Variants in KMT2E observed in about 807,000 individuals in gnomAD.
The protein encoded by KMT2E is lysine methyltransferase 2E (inactive).
A neutral mutation model predicts 184.6 loss-of-function variants in KMT2E; 30 were observed. The observed-to-expected ratio is 0.16, with a 90% CI of 0.12 to 0.22. KMT2E has a LOEUF of 0.22. Among genes scored for constraint, KMT2E ranks in the 10% least tolerant of loss-of-function variants. The pLI is 1.00. For missense variants in KMT2E, 2,023 were observed against 2,237.4 expected, an observed-to-expected ratio of 0.90 and a Z score of 1.93; for synonymous variants, 815 against 776.5, an observed-to-expected ratio of 1.05 and a Z score of -0.82.
intron 11 of KMT2E, among the ~76,000 whole-genome samples, chr7:105,078,070 A>G (rs1258277267): frequency 6.6e-6 from 1 of 152,236 alleles, no homozygotes; most frequent in Non-Finnish European, 1.5e-5. Context: ...TCCTACAATT[A>G]TCAAAAACAT....
At chr7:105,052,694 G>A (rs1187862162) in intron 3 of KMT2E, among the ~76,000 whole-genome samples, 2 of 151,796 alleles carry the variant, frequency 1.3e-5, no homozygotes, top group Non-Finnish European at 2.9e-5. Context: ...AAGTAAATGG[G>A]ATTACAGCTA....
chr7:105,071,857 G>C (rs1297665914), intron 6 of KMT2E, among the ~76,000 whole-genome samples: 1 of 151,780 alleles, frequency 6.6e-6, no homozygotes, highest in East Asian at 1.9e-4. Context: ...GTTTAATTAG[G>C]TGAGAAATGG....
chr7:105,052,064 A>G (rs777911086), intron 3 of KMT2E, among the ~76,000 whole-genome samples: 3 of 152,146 alleles, frequency 2.0e-5, no homozygotes, highest in Non-Finnish European at 2.9e-5. Context: ...AAACCAGATC[A>G]TACAATTCTC....
Position 105,111,976 on chromosome 7 carries a change from A to G in KMT2E, c.4220A>G (p.Asn1407Ser), listed in dbSNP as rs77885224. 1.9e-3 allele frequency: 3,127 copies of G among 1,614,100 alleles called. 4 individuals carry two copies. Among genetic ancestry groups the G allele is most frequent in the Non-Finnish European group, 2.3e-3 (2,733 of 1,180,014 alleles). The stretch of plus-strand genomic sequence containing the variant: ...CTCCAACAAAAACAGCTATCAAATA[A>G]CAACCAAGCACTTTCAAAGAATCAT... ...TELQQKQLSN[N>S]NQALSKNHPP... Residue 1407 changes from asparagine (N) to serine (S), a missense_variant, in exon 27 of 27, where the codon AAC (asparagine) becomes AGC (serine). Physicochemically the swap from Asn to Ser is conservative, Grantham distance 46 (BLOSUM62 1). Coordinates refer to ENST00000311117, the MANE Select transcript of KMT2E (RefSeq NM_182931.3).
intron 15 of KMT2E, among the ~76,000 whole-genome samples, chr7:105,095,073 T>A (rs1258578249): frequency 6.6e-6 from 1 of 152,098 alleles, no homozygotes; most frequent in Admixed American, 6.5e-5. Flanking sequence ...TGCACCAGGG[T>A]ATTTATGTAT....
chr7:105,069,733 CACA>C (rs1797200989), intron 6 of KMT2E, among the ~76,000 whole-genome samples: 1 of 152,132 alleles, frequency 6.6e-6, no homozygotes, highest in Non-Finnish European at 1.5e-5. Flanking sequence ...AATACAATAT[CACA>C]ACTAGGATAT....
At chr7:105,070,317 T>C (rs1411864502) in intron 6 of KMT2E, among the ~76,000 whole-genome samples, 1 of 152,048 alleles carries the variant, frequency 6.6e-6, no homozygotes, top group East Asian at 1.9e-4. Context: ...AATGTAGAAG[T>C]AATCAGTAAT....
chr7:105,050,078 A>G (rs1796266891), intron 3 of KMT2E, among the ~76,000 whole-genome samples: 2 of 152,266 alleles, frequency 1.3e-5, no homozygotes, highest in South Asian at 4.2e-4. Flanking sequence ...ACATGTAAAT[A>G]TAACAGAATT....
rs546695982 is a variant in KMT2E at position 105,112,308 on chromosome 7, T to C, written c.4552T>C (p.Leu1518=). Residue 1518 remains leucine (L), a synonymous_variant, in exon 27 of 27, where the codon TTA becomes CTA. Coordinates refer to ENST00000311117, the MANE Select transcript of KMT2E (RefSeq NM_182931.3). ...TACTCAGCAGGCAACTTCTGGAACA[T>C]TATTTACACAGACACCCTCAGGACA... The part of the protein sequence containing the change: ...ANTQQATSGT[L]FTQTPSGQSS... The C allele has an allele frequency of 9.9e-5, 159 of 1,613,944 alleles. 2 individuals are homozygous for C. In the South Asian group the frequency reaches 1.6e-3, roughly 16 times the overall value.
At chr7:105,043,613 A>T (rs1171575476) in intron 3 of KMT2E, among the ~76,000 whole-genome samples, 1 of 152,192 alleles carries the variant, frequency 6.6e-6, no homozygotes, top group East Asian at 1.9e-4. Context: ...ATGAATAAGG[A>T]CATTTTGGTA....
At chr7:105,097,194 G>T (rs1584791544) in intron 15 of KMT2E, among the ~76,000 whole-genome samples, 2 of 152,228 alleles carry the variant, frequency 1.3e-5, no homozygotes, top group African/African-American at 4.8e-5. Context: ...AATAAAATAG[G>T]ATAAGTTTGT....
chr7:105,037,808 T>A (rs915698188), intron 1 of KMT2E, among the ~76,000 whole-genome samples: 2 of 152,192 alleles, frequency 1.3e-5, no homozygotes, highest in African/African-American at 4.8e-5. Flanking sequence ...TGTTTTTGTT[T>A]TGGTATTGTT....
At chr7:105,073,780 A>G in intron 7 of KMT2E, 103 bp downstream of exon 7, 2 of 698,820 alleles carry the variant, frequency 2.9e-6, no homozygotes, top group Non-Finnish European at 5.0e-6. Flanking sequence ...TTAAATGTAA[A>G]TACCTTGTTG....
intron 3 of KMT2E, among the ~76,000 whole-genome samples, chr7:105,046,070 G>A (rs1026429745): frequency 1.3e-5 from 2 of 151,610 alleles, no homozygotes; most frequent in African/African-American, 4.9e-5. Context: ...TTCTCTCGTG[G>A]GCTCTACTCA....
chr7:105,082,184 T>C (rs1342401128), intron 13 of KMT2E, among the ~76,000 whole-genome samples: 1 of 152,218 alleles, frequency 6.6e-6, no homozygotes, highest in Non-Finnish European at 1.5e-5. Flanking sequence ...AAAGAAAATT[T>C]TCTTTGCAGT....
intron 3 of KMT2E, among the ~76,000 whole-genome samples, chr7:105,058,358 C>G (rs914432352): frequency 6.6e-6 from 1 of 152,092 alleles, no homozygotes; most frequent in Non-Finnish European, 1.5e-5. Flanking sequence ...TCAACAGATT[C>G]AGGTGTTGTC....
chr7:105,112,936 T>C lies in KMT2E; in HGVS notation c.5180T>C (p.Leu1727Ser). The stretch of plus-strand genomic sequence containing the variant: ...CCTCCGCCGCCACCTTCCAGTGTTT[T>C]GGCTTCTGGGCATCATACCACATCA... ...PPPPPPPSSV[L>S]ASGHHTTSAQ... The change falls in exon 27 of 27, where the codon TTG becomes TCG. Residue 1727 changes from leucine to serine, a missense_variant. Leu to Ser is a moderately radical substitution (Grantham distance 145, BLOSUM62 -2). Coordinates refer to ENST00000311117, the MANE Select transcript of KMT2E (RefSeq NM_182931.3). 1 of 1,613,972 alleles carries C rather than the reference T, an allele frequency of 6.2e-7. No homozygotes were observed. Among genetic ancestry groups the C allele is most frequent in the Non-Finnish European group, 8.5e-7 (1 of 1,179,968 alleles).
At chr7:105,090,296 A>G (rs780623296) in intron 14 of KMT2E, 23 bp downstream of exon 14, 22 of 1,563,820 alleles carry the variant, frequency 1.4e-5, no homozygotes, top group Non-Finnish European at 1.9e-5. Context: ...GCTCTCAATG[A>G]AATTGAATAA....
At chr7:105,106,412 A>G (rs1334867775) in intron 19 of KMT2E, 110 bp from the exon 20 acceptor site, 3 of 1,051,924 alleles carry the variant, frequency 2.9e-6, no homozygotes, top group Non-Finnish European at 4.2e-6. Context: ...TTTTGGGGTA[A>G]AAGTCATAAC....
Sources: allele counts gnomAD v4.1 joint callset (sites outside exome capture counted in the v4.1 genomes callset), GRCh38; gene constraint gnomAD v4.1.1; transcripts MANE v1.5; gene names NCBI Gene and HGNC (gene_info 2026-07-23, HGNC 2026-07-21).